The following SP140 variants were observed in gnomAD, a reference collection of about 807,000 sequenced individuals.
The protein encoded by SP140 is SP140 nuclear body protein, also known as nuclear body protein SP140.
SP140 carries 81 observed loss-of-function variants against 125.0 expected under a neutral mutation model. The observed-to-expected ratio is 0.65, with a 90% CI of 0.54 to 0.78. The LOEUF is 0.78. SP140 is among the 30% of genes least tolerant of loss of function. The pLI is 0.00. For missense variants in SP140, 858 were observed against 1,037.0 expected (o/e 0.83, Z 2.37); for synonymous variants, 312 against 354.0 (o/e 0.88, Z 1.33).
chr2:230,219,811 A>G (rs1217126146), intron 3 of SP140: 5 of 586,428 alleles, frequency 8.5e-6, no homozygotes, highest in Admixed American at 1.3e-4. Context: ...GCTGCCGCGA[A>G]GTTAACTCTA....
At chr2:230,231,706 C>CTT (rs1030295977) in intron 1 of SP140, among the ~76,000 whole-genome samples, 1 of 151,728 alleles carries the variant, frequency 6.6e-6, no homozygotes, top group Non-Finnish European at 1.5e-5. Context: ...TCCCTCCACC[C>CTT]TTTTTTTTCA....
intron 1 of SP140, among the ~76,000 whole-genome samples, chr2:230,233,981 C>T (rs1380413241): frequency 1.3e-5 from 2 of 152,232 alleles, no homozygotes; most frequent in Non-Finnish European, 2.9e-5. Flanking sequence ...CCTAACCCCA[C>T]TTTGAGAATT....
At chr2:230,198,756 A>G (rs760446731), upstream of SP140, among the ~76,000 whole-genome samples, 10 of 152,058 alleles carry the variant, frequency 6.6e-5, no homozygotes, top group Non-Finnish European at 1.5e-5. Flanking sequence ...CACCAGGCTC[A>G]GCTAATTTTT....
chr2:230,215,064 T>C (rs2044954272), intron 3 of SP140: 2 of 1,613,800 alleles, frequency 1.2e-6, no homozygotes, highest in South Asian at 1.1e-5. Flanking sequence ...TGGGTGAGAA[T>C]GTTGTGCACC....
upstream of SP140, among the ~76,000 whole-genome samples, chr2:230,198,234 A>G (rs1314115193): frequency 6.6e-6 from 1 of 152,138 alleles, no homozygotes; most frequent in Non-Finnish European, 1.5e-5. Flanking sequence ...CGGGAAAAGA[A>G]TGTGGAGAGC....
intron 1 of SP140, among the ~76,000 whole-genome samples, chr2:230,228,506 T>C (rs1311612422): frequency 6.6e-6 from 1 of 152,238 alleles, no homozygotes; most frequent in Non-Finnish European, 1.5e-5. Context: ...TCAATAATAG[T>C]AGTGAATTTG....
intron 6 of SP140, 54 bp downstream of exon 6, chr2:230,245,134 A>G (rs1372690201): frequency 2.4e-5 from 28 of 1,186,312 alleles, no homozygotes; most frequent in South Asian, 1.5e-4. Flanking sequence ...GCCTATCTCT[A>G]TGCAACCAAC....
At chr2:230,293,064 A>G (rs1162945618) in intron 20 of SP140, among the ~76,000 whole-genome samples, 1 of 152,188 alleles carries the variant, frequency 6.6e-6, no homozygotes, top group Non-Finnish European at 1.5e-5. Context: ...GTGCACTGAA[A>G]GAAAGAAGGG....
chr2:230,240,015 G>A (rs958813132), intron 3 of SP140, among the ~76,000 whole-genome samples: 3 of 152,144 alleles, frequency 2.0e-5, no homozygotes, highest in Non-Finnish European at 4.4e-5. Flanking sequence ...GTGTTTGGGT[G>A]ACAGGTACCT....
chr2:230,250,861 A>C, intron 9 of SP140, 120 bp from the exon 10 acceptor site: 1 of 1,044,558 alleles, frequency 9.6e-7, no homozygotes, highest in Non-Finnish European at 1.4e-6. Flanking sequence ...TACAGAACCC[A>C]CCTACAGGCC....
At chr2:230,239,126 T>C (rs1574941215) in intron 3 of SP140, 2 of 1,050,052 alleles carry the variant, frequency 1.9e-6, no homozygotes, top group East Asian at 6.4e-5. Flanking sequence ...TTGTGAATAC[T>C]ATACCTTGAT....
chr2:230,264,137 C>T (rs1157054365), intron 12 of SP140, among the ~76,000 whole-genome samples: 1 of 151,982 alleles, frequency 6.6e-6, no homozygotes, highest in Non-Finnish European at 1.5e-5. Flanking sequence ...TTAACATAAT[C>T]CCAGACTTCT....
intron 1 of SP140, 103 bp from the exon 2 acceptor site, chr2:230,236,980 T>G: frequency 1.3e-6 from 1 of 767,330 alleles, no homozygotes; most frequent in Non-Finnish European, 2.0e-6. Flanking sequence ...ATTTTATACA[T>G]GTTGGCTCTC....
At chr2:230,259,771 CATATATATATATAT>C (rs745848625) in intron 12 of SP140, among the ~76,000 whole-genome samples, 5 of 85,898 alleles carry the variant, frequency 5.8e-5, no homozygotes, top group Non-Finnish European at 1.0e-4. Flanking sequence ...AGTATTCCAT[CATATATATATATAT>C]ATATATATAT....
At chr2:230,194,701 A>T in the SP140 span, among the ~76,000 whole-genome samples, 2 of 152,186 alleles carry the variant, frequency 1.3e-5, no homozygotes, top group Admixed American at 1.3e-4. Context: ...TTTGGAACTG[A>T]AAGTCTGAAT....
At chr2:230,221,744 G>C, upstream of SP140, 2 of 1,535,538 alleles carry the variant, frequency 1.3e-6, no homozygotes, top group Non-Finnish European at 1.7e-6. Flanking sequence ...CCCTTCATGG[G>C]CATCTGAGGA....
intron 6 of SP140, 101 bp from the exon 7 acceptor site, chr2:230,245,762 C>G (rs781467552): frequency 1.4e-6 from 1 of 727,622 alleles, no homozygotes; most frequent in Non-Finnish European, 2.4e-6. Flanking sequence ...CCTTTATTCC[C>G]AGGGAGCAGT....
At chr2:230,236,995 G>A (rs2048104734) in intron 1 of SP140, 88 bp from the exon 2 acceptor site, 4 of 943,454 alleles carry the variant, frequency 4.2e-6, no homozygotes, top group Non-Finnish European at 6.2e-6. Flanking sequence ...GCTCTCCATT[G>A]GCCATCCTTC....
chr2:230,295,707 A>G (rs921696675), intron 21 of SP140, among the ~76,000 whole-genome samples: 2 of 152,200 alleles, frequency 1.3e-5, no homozygotes, highest in Non-Finnish European at 2.9e-5. Flanking sequence ...CAGTGTCACT[A>G]TGAGTGCCAC....
Sources: gnomAD v4.1 joint callset for allele counts (sites outside exome capture counted in the v4.1 genomes callset) on GRCh38, gnomAD v4.1.1 for gene constraint, MANE v1.5 for transcripts, NCBI Gene and HGNC (gene_info 2026-07-23, HGNC 2026-07-21) for gene names.